The following TPH2 variants were observed in gnomAD, a reference collection of about 807,000 sequenced individuals.
TPH2 encodes tryptophan hydroxylase 2.
In TPH2, 27 loss-of-function variants were observed where a neutral mutation model predicts 59.1. The observed-to-expected ratio is 0.46, with a 90% CI of 0.34 to 0.63. TPH2 has a LOEUF of 0.63. Ranked by LOEUF, TPH2 falls within the 30% of genes least tolerant of loss-of-function variation. The pLI is 0.01. For missense variants in TPH2, 523 were observed against 588.3 expected, an observed-to-expected ratio of 0.89 and a Z score of 1.15; for synonymous variants, 220 against 210.5, an observed-to-expected ratio of 1.05 and a Z score of -0.39.
intron 8 of TPH2, among the ~76,000 whole-genome samples, chr12:72,018,921 A>G (rs11179052): frequency 0.58 from 88,642 of 151,994 alleles, 26,123 homozygotes; most frequent in Non-Finnish European, 0.64. Context: ...AAATGTCACC[A>G]TCTAGACTGC....
chr12:71,960,893 G>A (rs1274518698), intron 5 of TPH2, among the ~76,000 whole-genome samples: 1 of 152,178 alleles, frequency 6.6e-6, no homozygotes, highest in Non-Finnish European at 1.5e-5. Context: ...CTCCAGACCT[G>A]TTTCCAACCC....
intron 5 of TPH2, 114 bp downstream of exon 5, chr12:71,949,769 AT>A: frequency 1.2e-6 from 1 of 848,176 alleles, no homozygotes. Context: ...GGTGTGAACC[AT>A]TTTAAACACT....
intron 5 of TPH2, among the ~76,000 whole-genome samples, chr12:71,967,475 T>C (rs945870666): frequency 3.9e-5 from 6 of 152,238 alleles, no homozygotes; most frequent in Admixed American, 1.3e-4. Context: ...TCCATATCGA[T>C]GCTCATACAA....
intron 8 of TPH2, among the ~76,000 whole-genome samples, chr12:71,999,607 A>G (rs922490690): frequency 2.0e-5 from 3 of 152,234 alleles, no homozygotes; most frequent in Non-Finnish European, 2.9e-5. Context: ...GTAAACTTAA[A>G]TGTTACTTCA....
chr12:72,006,209 T>C (rs1184694390), intron 8 of TPH2, among the ~76,000 whole-genome samples: 3 of 152,078 alleles, frequency 2.0e-5, no homozygotes, highest in African/African-American at 7.2e-5. Flanking sequence ...ACTGGCTGGA[T>C]GAGGTTAAAG....
At position 71,944,597 on chromosome 12, in the gene TPH2, G is replaced by A; in HGVS notation, c.451G>A (p.Val151Met). The change falls in exon 4 of 11, where the codon GTG becomes ATG. Residue 151 changes from valine to methionine, a missense_variant. Physicochemically the swap from Val to Met is conservative, Grantham distance 21. Coordinates refer to ENST00000333850, the MANE Select transcript of TPH2 (RefSeq NM_173353.4). ...ACTGTTTTCAACAGAGCTAGAGGATGTGCCCTGGTTCCCTCGGAAGATCTC... is the reference window on the plus strand; with the variant it reads ...ACTGTTTTCAACAGAGCTAGAGGATATGCCCTGGTTCCCTCGGAAGATCTC... ...IWTEEEELEDVPWFPRKISEL... is the reference protein window; with the variant it reads ...IWTEEEELEDMPWFPRKISEL... The A allele has an allele frequency of 6.2e-7, 1 of 1,613,942 alleles. No homozygotes were observed. The highest frequency in any genetic ancestry group is 8.5e-7 in the Non-Finnish European group (1 of 1,179,840).
At chr12:71,973,285 G>T (rs1566133113) in intron 6 of TPH2, among the ~76,000 whole-genome samples, 1 of 152,082 alleles carries the variant, frequency 6.6e-6, no homozygotes, top group Non-Finnish European at 1.5e-5. Context: ...ACAAGATACA[G>T]GTCATAAAGA....
rs11178998 is a variant in TPH2 at position 71,938,935 on chromosome 12, A to G, written c.-52A>G. On this transcript the variant is annotated 5_prime_UTR_variant, in exon 1 of 11. Coordinates refer to ENST00000333850, the MANE Select transcript of TPH2 (RefSeq NM_173353.4). ...CCTCTCAATCTCCGCCAGCGCTGCT[A>G]CTGCCCCTCTAGTACCCCCTGCTGC... 0.073 allele frequency: 106,623 copies of G among 1,467,598 alleles called. 4,473 individuals are homozygous for G. The highest frequency in any genetic ancestry group is 0.14 in the East Asian group (6,243 of 44,156). 90.9% of individuals were successfully genotyped at this position (1,467,598 alleles called of 1,614,324 possible).
chr12:71,974,672 C>T (rs1342444183), intron 6 of TPH2, among the ~76,000 whole-genome samples: 1 of 152,100 alleles, frequency 6.6e-6, no homozygotes, highest in African/African-American at 2.4e-5. Context: ...AAGACATAGG[C>T]ATCCTTGGGG....
At chr12:71,940,415 T>A (rs2139174891) in intron 1 of TPH2, among the ~76,000 whole-genome samples, 1 of 152,268 alleles carries the variant, frequency 6.6e-6, no homozygotes, top group South Asian at 2.1e-4. Context: ...AATACTGATG[T>A]GTGAAAATAA....
intron 2 of TPH2, 135 bp from the exon 3 acceptor site, chr12:71,944,159 A>T (rs1272105490): frequency 1.2e-6 from 1 of 857,856 alleles, no homozygotes. Context: ...TCCAAGTTTT[A>T]TTCAAAGAAC....
intron 8 of TPH2, among the ~76,000 whole-genome samples, chr12:72,019,488 T>G (rs1394028828): frequency 1.3e-5 from 2 of 152,192 alleles, no homozygotes; most frequent in Non-Finnish European, 2.9e-5. Flanking sequence ...CTTTTTAATT[T>G]CTTAATGAAA....
intron 5 of TPH2, 75 bp from the exon 6 acceptor site, chr12:71,972,444 T>C: frequency 7.0e-7 from 1 of 1,432,732 alleles, no homozygotes; most frequent in Non-Finnish European, 9.9e-7. Flanking sequence ...TGACTTGTGA[T>C]AGGTATTGAG....
intron 5 of TPH2, among the ~76,000 whole-genome samples, chr12:71,970,763 A>C (rs956712524): frequency 6.6e-6 from 1 of 152,244 alleles, no homozygotes; most frequent in African/African-American, 2.4e-5. Flanking sequence ...CTTCCCAGCA[A>C]ATATTTGCCA....
At chr12:71,983,769 C>T (rs76363462) in intron 7 of TPH2, among the ~76,000 whole-genome samples, 1 of 143,748 alleles carries the variant, frequency 7.0e-6, no homozygotes, top group African/African-American at 2.8e-5. Context: ...GACAGACAGA[C>T]ACACACAGAG....
chr12:71,985,033 C>A (rs973743463), intron 7 of TPH2, among the ~76,000 whole-genome samples: 1 of 152,210 alleles, frequency 6.6e-6, no homozygotes, highest in Non-Finnish European at 1.5e-5. Context: ...TATATATCAA[C>A]TGGACACAGG....
chr12:71,941,521 A>T, intron 1 of TPH2, 63 bp from the exon 2 acceptor site: 2 of 1,562,280 alleles, frequency 1.3e-6, no homozygotes, highest in Non-Finnish European at 1.7e-6. Flanking sequence ...GAAAAATCTA[A>T]TTACGGAGGA....
chr12:72,021,356 AGTGTGTGTGTGTGTGTGTGTGT>A (rs57532900), intron 8 of TPH2, among the ~76,000 whole-genome samples: 76 of 143,422 alleles, frequency 5.3e-4, no homozygotes, highest in South Asian at 1.1e-3. Context: ...GGGCCAATAA[AGTGTGTGTGTGTGTGTGTGTGT>A]GTGTGTGTGT....
chr12:71,995,451 T>A (rs1872671286), intron 8 of TPH2, among the ~76,000 whole-genome samples: 1 of 152,210 alleles, frequency 6.6e-6, no homozygotes, highest in African/African-American at 2.4e-5. Flanking sequence ...AGTGGCATAT[T>A]TGATATGCAG....
Sources: gnomAD v4.1 joint callset for allele counts (sites outside exome capture counted in the v4.1 genomes callset) on GRCh38, gnomAD v4.1.1 for gene constraint, MANE v1.5 for transcripts, NCBI Gene and HGNC (gene_info 2026-07-23, HGNC 2026-07-21) for gene names.